Variants in RBFOX1 observed in about 807,000 individuals in gnomAD.
RBFOX1 encodes the protein RNA binding protein fox-1 homolog 1.
In RBFOX1, 8 loss-of-function variants were observed where a neutral mutation model predicts 57.7. The ratio of observed to expected loss-of-function variants is 0.14; its 90% CI spans 0.08 to 0.25. RBFOX1 has a LOEUF of 0.25. RBFOX1 is among the 10% of genes least tolerant of loss of function. The pLI is 1.00. For synonymous variants in RBFOX1, 326 were observed against 222.4 expected, an observed-to-expected ratio of 1.47 and a Z score of -4.15; for missense variants, 611 against 548.5, an observed-to-expected ratio of 1.11 and a Z score of -1.14.
chr16:7,482,178 G>C lies in RBFOX1; in HGVS notation c.28-35969G>C, dbSNP rs538232540. ...CATCTATTCCATTGTGTTGCATGAA[G>C]GGTTACAGAATCTAATATATGCAGA... On this transcript the variant is annotated intron_variant, in intron 4 of 15. Coordinates refer to ENST00000550418, the MANE Select transcript of RBFOX1 (RefSeq NM_018723.4). Among the ~76,000 whole-genome samples the C allele has an allele frequency of 1.7e-3, 260 of 152,308 alleles. 2 individuals are homozygous for C. Among genetic ancestry groups the C allele is most frequent in the Non-Finnish European group, 2.9e-3 (198 of 68,026 alleles).
chr16:5,866,879 A>C (rs899543529), intron 3 of RBFOX1, among the ~76,000 whole-genome samples: 1 of 152,180 alleles, frequency 6.6e-6, no homozygotes, highest in Non-Finnish European at 1.5e-5. Context: ...TGTTGCTGTC[A>C]TTGTAGCTTT....
At chr16:7,266,474 C>G (rs893764382) in intron 4 of RBFOX1, among the ~76,000 whole-genome samples, 3 of 152,186 alleles carry the variant, frequency 2.0e-5, no homozygotes, top group Non-Finnish European at 4.4e-5. Context: ...TCAATTAAAC[C>G]TCTTTTGTTT....
chr16:5,569,465 TTTC>T (rs1382668727), intron 2 of RBFOX1, among the ~76,000 whole-genome samples: 3,257 of 92,114 alleles, frequency 0.035, 42 homozygotes, highest in East Asian at 0.054. Flanking sequence ...TTTTTTTTTT[TTTC>T]TTCTTCTTTT....
intron 2 of RBFOX1, among the ~76,000 whole-genome samples, chr16:6,608,440 C>G (rs1033227106): frequency 1.3e-5 from 2 of 152,104 alleles, no homozygotes; most frequent in South Asian, 2.1e-4. Context: ...CAGTTTTCAC[C>G]CTTATTCGTT....
chr16:7,024,940 G>A (rs982048134), intron 3 of RBFOX1, among the ~76,000 whole-genome samples: 2 of 152,146 alleles, frequency 1.3e-5, no homozygotes, highest in Non-Finnish European at 2.9e-5. Flanking sequence ...GAGGCCCAGA[G>A]AGGAACAGGA....
intron 4 of RBFOX1, among the ~76,000 whole-genome samples, chr16:7,139,095 T>C (rs190342726): frequency 6.6e-6 from 1 of 152,148 alleles, no homozygotes; most frequent in Non-Finnish European, 1.5e-5. Flanking sequence ...TGAGCCACCA[T>C]GCATGGTCAA....
intron 3 of RBFOX1, among the ~76,000 whole-genome samples, chr16:5,705,098 C>T (rs544047327): frequency 8.0e-4 from 121 of 152,114 alleles, no homozygotes; most frequent in African/African-American, 2.6e-3. Context: ...GAGGAGTAGG[C>T]GAAATTATTA....
intron 3 of RBFOX1, among the ~76,000 whole-genome samples, chr16:5,796,460 A>G (rs1275074190): frequency 1.3e-5 from 2 of 152,166 alleles, no homozygotes; most frequent in African/African-American, 2.4e-5. Flanking sequence ...GGTCAGAGAG[A>G]GGAACAGGAG....
chr16:7,163,397 A>T (rs1371390453), intron 4 of RBFOX1, among the ~76,000 whole-genome samples: 1 of 152,098 alleles, frequency 6.6e-6, no homozygotes, highest in African/African-American at 2.4e-5. Context: ...AGTTGAGGAA[A>T]TTTCATCAAT....
intron 3 of RBFOX1, among the ~76,000 whole-genome samples, chr16:5,653,577 ATTGCCTCTCCCTGACCTCCT>A (rs1465453055): frequency 1.3e-5 from 2 of 152,056 alleles, no homozygotes; most frequent in African/African-American, 4.8e-5. Context: ...GCCTGGGGTG[ATTGCCTCTCCCTGACCTCCT>A]TTGCCTCTCC....
chr16:6,549,566 G>C (rs1217266771), intron 2 of RBFOX1, among the ~76,000 whole-genome samples: 2 of 147,164 alleles, frequency 1.4e-5, no homozygotes, highest in Non-Finnish European at 3.0e-5. Flanking sequence ...AGGAGGGGAG[G>C]AAGGGAGGAA....
chr16:6,783,204 T>G (rs977313428), intron 3 of RBFOX1, among the ~76,000 whole-genome samples: 2 of 152,060 alleles, frequency 1.3e-5, no homozygotes, highest in Non-Finnish European at 2.9e-5. Flanking sequence ...GTCTGCCTTT[T>G]ATTTGGAGAA....
intron 4 of RBFOX1, among the ~76,000 whole-genome samples, chr16:5,929,091 T>G (rs1365329641): frequency 1.3e-5 from 2 of 150,724 alleles, no homozygotes; most frequent in Non-Finnish European, 1.5e-5. Flanking sequence ...CCAGACCGAC[T>G]GGCTTGGGTG....
intron 3 of RBFOX1, among the ~76,000 whole-genome samples, chr16:7,028,017 A>G (rs73538938): frequency 6.6e-6 from 1 of 151,932 alleles, no homozygotes; most frequent in African/African-American, 2.4e-5. Flanking sequence ...AAGGAGAAGG[A>G]AAGAAAGGAA....
intron 3 of RBFOX1, among the ~76,000 whole-genome samples, chr16:5,763,677 G>A (rs1377137196): frequency 6.6e-6 from 1 of 152,202 alleles, no homozygotes; most frequent in Non-Finnish European, 1.5e-5. Context: ...TTGAAAACTT[G>A]GATTTGAAAA....
intron 1 of RBFOX1, among the ~76,000 whole-genome samples, chr16:6,115,948 C>T (rs1467333977): frequency 6.6e-6 from 1 of 152,146 alleles, no homozygotes; most frequent in Admixed American, 6.5e-5. Context: ...ATAAATCACT[C>T]TACTATAAAG....
rs150765072 is a variant in RBFOX1 at position 5,465,668 on chromosome 16, G to A, written c.220-1548G>A. ...GTTCGTTGTTAATTTCATGGTCATG[G>A]GCTCATCTAAGAACTATAACAAACA... is the stretch of plus-strand genomic sequence containing the variant. On this transcript the variant is annotated intron_variant, in intron 1 of 2. Transcript: ENST00000585867. Among the ~76,000 whole-genome samples, 98 of 152,246 alleles carry A rather than the reference G, an allele frequency of 6.4e-4. No individual in the cohort carries two copies. In the Middle Eastern group the frequency reaches 0.01, roughly 16 times the overall value.
intron 4 of RBFOX1, among the ~76,000 whole-genome samples, chr16:7,341,712 T>TTGCTTCCCTCCCTCCCTCCC (rs2096895248): frequency 3.4e-5 from 5 of 146,408 alleles, no homozygotes; most frequent in African/African-American, 1.3e-4. Flanking sequence ...CCTTCCTTCC[T>TTGCTTCCCTCCCTCCCTCCC]TCCTTCCCTC....
intron 2 of RBFOX1, among the ~76,000 whole-genome samples, chr16:5,476,397 T>C (rs9929879): frequency 0.024 from 3,599 of 152,284 alleles, 151 homozygotes; most frequent in African/African-American, 0.082. Context: ...AATGCCTTCA[T>C]GTGATTGCAA....
Sources: allele counts gnomAD v4.1 joint callset (sites outside exome capture counted in the v4.1 genomes callset), GRCh38; gene constraint gnomAD v4.1.1; transcripts MANE v1.5; gene names NCBI Gene and HGNC (gene_info 2026-07-23, HGNC 2026-07-21).